The following KCNH1 variants were observed in gnomAD, a reference collection of about 807,000 sequenced individuals.
The protein encoded by KCNH1 is potassium voltage-gated channel subfamily H member 1.
Under a neutral mutation model 69.2 loss-of-function variants are expected in KCNH1, and 27 were observed. The ratio of observed to expected loss-of-function variants is 0.39; its 90% CI spans 0.29 to 0.54. The LOEUF (loss-of-function observed/expected upper bound fraction) is 0.54, where lower values mean the gene tolerates loss of function less well. Ranked by LOEUF, KCNH1 falls within the 20% of genes least tolerant of loss-of-function variation. KCNH1 has a pLI of 0.68. For missense variants in KCNH1, 798 were observed against 1,261.6 expected, an observed-to-expected ratio of 0.63 and a Z score of 5.57; for synonymous variants, 456 against 487.7, an observed-to-expected ratio of 0.93 and a Z score of 0.86.
At chr1:211,112,516 A>AAAC (rs1553380938) in intron 1 of KCNH1, among the ~76,000 whole-genome samples, 1 of 146,718 alleles carries the variant, frequency 6.8e-6, no homozygotes, top group Non-Finnish European at 1.5e-5. Flanking sequence ...AAAAAAAAAA[A>AAAC]AAAAAAACAA....
chr1:211,066,507 G>A (rs1034526177), intron 5 of KCNH1, among the ~76,000 whole-genome samples: 2 of 152,118 alleles, frequency 1.3e-5, no homozygotes, highest in African/African-American at 2.4e-5. Flanking sequence ...AACAGTTTGT[G>A]TACACTGAAC....
At chr1:210,847,098 G>A (rs1685574242) in intron 7 of KCNH1, among the ~76,000 whole-genome samples, 1 of 152,216 alleles carries the variant, frequency 6.6e-6, no homozygotes, top group Non-Finnish European at 1.5e-5. Flanking sequence ...TGGACAGGAT[G>A]TGGAGAAATA....
intron 6 of KCNH1, among the ~76,000 whole-genome samples, chr1:210,967,878 T>TG (rs1162731976): frequency 1.3e-5 from 2 of 151,254 alleles, no homozygotes; most frequent in Non-Finnish European, 3.0e-5. Flanking sequence ...TCTTTTTTTT[T>TG]TATTATACTT....
chr1:210,861,935 TG>T (rs989520602), intron 7 of KCNH1: 6 of 765,216 alleles, frequency 7.8e-6, no homozygotes, highest in African/African-American at 3.4e-5. Context: ...TCACGTTTGG[TG>T]ATGTGATGAA....
intron 5 of KCNH1, among the ~76,000 whole-genome samples, chr1:211,022,387 G>T (rs371486242): frequency 6.6e-6 from 1 of 152,030 alleles, no homozygotes; most frequent in East Asian, 1.9e-4. Flanking sequence ...ATAAAACTTC[G>T]GGGAAACTCT....
At chr1:210,833,041 C>G (rs192223617) in intron 7 of KCNH1, among the ~76,000 whole-genome samples, 273 of 151,926 alleles carry the variant, frequency 1.8e-3, no homozygotes, top group African/African-American at 6.2e-3. Flanking sequence ...TTCTTCTCCT[C>G]ACACCAGATC....
chr1:210,747,327 G>A (rs187797203), intron 10 of KCNH1, among the ~76,000 whole-genome samples: 240 of 151,998 alleles, frequency 1.6e-3, no homozygotes, highest in African/African-American at 4.8e-3. Context: ...GCAGCTGCTC[G>A]GCAACCGAGA....
rs191837976 is a variant in KCNH1 at position 210,770,299 on chromosome 1, C to G, written c.2112+5049G>C. Among the ~76,000 whole-genome samples, 581 of 152,242 alleles carry G rather than the reference C, an allele frequency of 3.8e-3. 10 individuals carry two copies. The highest frequency in any genetic ancestry group is 3.4e-3 in the Middle Eastern group (1 of 294). On this transcript the variant is annotated intron_variant, in intron 10 of 10. Transcript: ENST00000271751. ...ATGATGGGTTGATAGGTGCAGCAAA[C>G]CACAATGGCACATGTATACCTATGT...
chr1:211,093,107 A>C (rs1691085549), intron 3 of KCNH1, among the ~76,000 whole-genome samples: 1 of 152,184 alleles, frequency 6.6e-6, no homozygotes, highest in Non-Finnish European at 1.5e-5. Context: ...GCAGCCCTGC[A>C]GCCCATCACT....
intron 7 of KCNH1, among the ~76,000 whole-genome samples, chr1:210,852,727 C>T (rs1685734138): frequency 6.6e-6 from 1 of 152,130 alleles, no homozygotes; most frequent in Admixed American, 6.5e-5. Context: ...AAGCCACAAA[C>T]ATTATGTAGG....
intron 7 of KCNH1, among the ~76,000 whole-genome samples, chr1:210,819,601 T>G (rs1276682540): frequency 1.3e-5 from 2 of 150,414 alleles, no homozygotes; most frequent in African/African-American, 5.0e-5. Flanking sequence ...AAAAAAAGTT[T>G]AGGAAAAAAA....
At chr1:210,926,419 C>T (rs551243792) in intron 6 of KCNH1, among the ~76,000 whole-genome samples, 17 of 152,232 alleles carry the variant, frequency 1.1e-4, no homozygotes, top group Admixed American at 5.2e-4. Context: ...CAGTATGATC[C>T]GGAGCCTCGT....
intron 5 of KCNH1, among the ~76,000 whole-genome samples, chr1:211,074,888 C>T (rs1217828422): frequency 3.3e-5 from 5 of 152,208 alleles, no homozygotes; most frequent in African/African-American, 1.2e-4. Context: ...ATTTCGGACA[C>T]AAGCAGCCAA....
At chr1:210,884,067 G>A (rs371728687) in intron 7 of KCNH1, among the ~76,000 whole-genome samples, 6 of 152,076 alleles carry the variant, frequency 3.9e-5, no homozygotes, top group South Asian at 2.1e-4. Flanking sequence ...CTAGTGAGAC[G>A]CATGCACAGA....
At chr1:210,710,462 C>T (rs973045718) in intron 10 of KCNH1, among the ~76,000 whole-genome samples, 3 of 151,984 alleles carry the variant, frequency 2.0e-5, no homozygotes, top group African/African-American at 7.3e-5. Flanking sequence ...TGCATTTAGG[C>T]TACACTAAAG....
At chr1:210,980,626 A>G (rs945038676) in intron 6 of KCNH1, among the ~76,000 whole-genome samples, 2 of 152,234 alleles carry the variant, frequency 1.3e-5, no homozygotes, top group South Asian at 2.1e-4. Context: ...AATCATTTGC[A>G]CTGCATTATA....
At chr1:210,742,397 A>T (rs1441798930) in intron 10 of KCNH1, among the ~76,000 whole-genome samples, 1 of 152,184 alleles carries the variant, frequency 6.6e-6, no homozygotes, top group Non-Finnish European at 1.5e-5. Context: ...CCCCAGGGGA[A>T]CAATGCTGGG....
intron 6 of KCNH1, among the ~76,000 whole-genome samples, chr1:210,998,801 C>T (rs950435950): frequency 1.3e-5 from 2 of 152,090 alleles, no homozygotes. Context: ...ACAGAAATCA[C>T]AACAAACTGT....
intron 7 of KCNH1, chr1:210,859,877 T>C: frequency 2.4e-6 from 3 of 1,238,076 alleles, no homozygotes; most frequent in Non-Finnish European, 3.6e-6. Flanking sequence ...AGTGAAGATT[T>C]TCTAAGGTAT....
Sources: gnomAD v4.1 joint callset for allele counts (sites outside exome capture counted in the v4.1 genomes callset) on GRCh38, gnomAD v4.1.1 for gene constraint, MANE v1.5 for transcripts, NCBI Gene and HGNC (gene_info 2026-07-23, HGNC 2026-07-21) for gene names.